SRSF11: variants seen among roughly 807,000 people sequenced by gnomAD.
SRSF11 encodes the protein serine/arginine-rich splicing factor 11.
In SRSF11, 9 loss-of-function variants were observed where a neutral mutation model predicts 56.0. That is an observed-to-expected ratio of 0.16 (90% CI 0.10 to 0.28). The LOEUF (loss-of-function observed/expected upper bound fraction) is 0.28. SRSF11 is among the 10% of genes least tolerant of loss of function. SRSF11 has a pLI of 1.00. For missense variants in SRSF11, 421 were observed against 600.7 expected (o/e 0.70, Z 3.13); for synonymous variants, 222 against 215.3 (o/e 1.03, Z -0.27).
intron 7 of SRSF11, among the ~76,000 whole-genome samples, chr1:70,243,146 G>C (rs1048288509): frequency 1.3e-5 from 2 of 151,718 alleles, no homozygotes; most frequent in Non-Finnish European, 2.9e-5. Flanking sequence ...ATCAGTAAGA[G>C]GAAAGAAGGA....
At chr1:70,236,401 G>T (rs900436593) in intron 5 of SRSF11, among the ~76,000 whole-genome samples, 18 of 146,232 alleles carry the variant, frequency 1.2e-4, no homozygotes, top group Non-Finnish European at 2.4e-4. Context: ...CGCAAACTCA[G>T]CTCACTGCAA....
At chr1:70,220,170 G>A (rs1169187190), upstream of SRSF11, among the ~76,000 whole-genome samples, 1 of 152,180 alleles carries the variant, frequency 6.6e-6, no homozygotes, top group African/African-American at 2.4e-5. Context: ...ATAAATACAT[G>A]TATCTTCTGT....
upstream of SRSF11, among the ~76,000 whole-genome samples, chr1:70,220,433 A>G (rs775910466): frequency 1.2e-4 from 18 of 152,248 alleles, no homozygotes. Flanking sequence ...AAAAGCTTCA[A>G]AATTATTTTA....
At position 70,252,109 on chromosome 1, in the gene SRSF11, G is replaced by T. The variant is rs185781608; in HGVS notation, c.*1304G>T. On this transcript the variant is annotated 3_prime_UTR_variant, in exon 12 of 12. Transcript: ENST00000370949. ...TTTCCCTTTCTGTCCACATATTTCA[G>T]TATAGTAAAAAGAGGAAGTCTATCA... is the stretch of plus-strand genomic sequence containing the variant. The T allele has an allele frequency of 3.3e-5, 5 of 152,558 alleles. No homozygotes were observed. Among genetic ancestry groups the T allele is most frequent in the African/African-American group, 1.2e-4 (5 of 41,510 alleles). 9.5% of individuals were successfully genotyped at this position (152,558 alleles called of 1,614,324 possible).
chr1:70,231,712 AT>A, intron 2 of SRSF11: 1 of 1,205,472 alleles, frequency 8.3e-7, no homozygotes, highest in Non-Finnish European at 1.1e-6. Context: ...CCAACAGAAT[AT>A]TTCCTTTACA....
At chr1:70,236,792 A>ATTTTTTTTTTTTT (rs35602423) in intron 5 of SRSF11, among the ~76,000 whole-genome samples, 1 of 83,738 alleles carries the variant, frequency 1.2e-5, no homozygotes, top group Non-Finnish European at 2.4e-5. Context: ...TATGTCATAA[A>ATTTTTTTTTTTTT]TTTTTTTTTT....
rs566715416 is a variant in SRSF11 at position 70,234,481 on chromosome 1, T to C, written c.448-215T>C. On this transcript the variant is annotated intron_variant, in intron 3 of 11. Coordinates refer to ENST00000370949, the MANE Select transcript of SRSF11 (RefSeq NM_001350605.2). Reference sequence around the variant, plus strand: ...TCCTATTTCTGTTAATAGATTGTTATTGGACCACAGCCATTTGTTTAGGTA... The same window carrying C: ...TCCTATTTCTGTTAATAGATTGTTACTGGACCACAGCCATTTGTTTAGGTA... 3.3e-5 allele frequency among the ~76,000 whole-genome samples: 5 copies of C among 152,304 alleles called. No individual in the cohort carries two copies. In the South Asian group the frequency reaches 1.0e-3, roughly 32 times the overall value.
intron 7 of SRSF11, among the ~76,000 whole-genome samples, chr1:70,242,646 G>A (rs1367992388): frequency 6.6e-6 from 1 of 152,028 alleles, no homozygotes; most frequent in Non-Finnish European, 1.5e-5. Context: ...AAATGACCAT[G>A]ACTTTCACAA....
chr1:70,221,021 G>C (rs1355899213), upstream of SRSF11: 1 of 152,166 alleles, frequency 6.6e-6, no homozygotes, highest in East Asian at 1.9e-4. Context: ...GGTGGTGGTG[G>C]GGTGGCATCT....
At chr1:70,225,074 A>G (rs1202838562) in intron 1 of SRSF11, among the ~76,000 whole-genome samples, 1 of 152,226 alleles carries the variant, frequency 6.6e-6, no homozygotes, top group Non-Finnish European at 1.5e-5. Flanking sequence ...CCACTTGATC[A>G]GGAGTTTGCT....
Position 70,233,489 on chromosome 1 carries a change from C to T in SRSF11, c.447+1112C>T, listed in dbSNP as rs563729724. Among the ~76,000 whole-genome samples, 3 of 152,192 alleles carry T rather than the reference C, an allele frequency of 2.0e-5. 1 individual carries two copies. Among genetic ancestry groups the T allele is most frequent in the Non-Finnish European group, 4.4e-5 (3 of 68,028 alleles). On this transcript the variant is annotated intron_variant, in intron 3 of 11. Transcript: ENST00000370949. The stretch of plus-strand genomic sequence containing the variant: ...TCTTGGCCTCAAGTGATCTGCCCAC[C>T]TTGGCCTCCCAAAGTGCTGGGATTA...
chr1:70,228,403 T>A lies in SRSF11; in HGVS notation c.204-19T>A. On this transcript the variant is annotated intron_variant, in intron 1 of 11. Transcript: ENST00000370949. ...ACTGCTATTCTGTTTCTCTTTTATG[T>A]TATTTGTTTATTTTTTAGTGATTCG... The A allele has an allele frequency of 3.8e-6, 6 of 1,577,604 alleles. No individual in the cohort carries two copies. Among genetic ancestry groups the A allele is most frequent in the Non-Finnish European group, 5.2e-6 (6 of 1,150,546 alleles).
intron 7 of SRSF11, among the ~76,000 whole-genome samples, chr1:70,239,885 C>A (rs1481067309): frequency 6.6e-6 from 1 of 152,080 alleles, no homozygotes; most frequent in Non-Finnish European, 1.5e-5. Context: ...CAGTAAAATG[C>A]AAGTACTAGG....
intron 9 of SRSF11, chr1:70,247,164 T>G (rs1676942635): frequency 1.0e-6 from 1 of 969,454 alleles, no homozygotes; most frequent in Non-Finnish European, 1.3e-6. Context: ...GTTTTTCTCT[T>G]TATAGTTTAA....
intron 2 of SRSF11, chr1:70,230,074 G>C (rs1191143607): frequency 1.0e-6 from 1 of 985,026 alleles, no homozygotes; most frequent in East Asian, 1.1e-4. Context: ...AAAACATTTT[G>C]GTTAGCCTGT....
intron 1 of SRSF11, among the ~76,000 whole-genome samples, chr1:70,207,740 T>G (rs1669182336): frequency 1.3e-5 from 2 of 151,468 alleles, no homozygotes; most frequent in African/African-American, 2.4e-5. Context: ...TTTTTTTTTT[T>G]TAAGAGACCA....
Position 70,235,585 on chromosome 1 carries a change from G to C in SRSF11, c.590+35G>C, listed in dbSNP as rs766425747. The C allele has an allele frequency of 1.1e-5, 17 of 1,595,810 alleles. No homozygotes were observed. In the East Asian group the frequency reaches 3.6e-4, roughly 34 times the overall value. On this transcript the variant is annotated intron_variant, in intron 5 of 11. Transcript: ENST00000370949. Reference sequence around the variant, plus strand: ...TTTTCTTTGTTTTCATTGGTGATGTGGTATCTGAATGTCTACAGAATTAGA... The same window carrying C: ...TTTTCTTTGTTTTCATTGGTGATGTCGTATCTGAATGTCTACAGAATTAGA...
chr1:70,246,854 T>C lies in SRSF11; in HGVS notation c.969T>C (p.Ser323=). The C allele has an allele frequency of 2.5e-6, 4 of 1,611,792 alleles. No individual in the cohort carries two copies. Among genetic ancestry groups the C allele is most frequent in the Non-Finnish European group, 2.5e-6 (3 of 1,178,958 alleles). Residue 323 remains serine, a synonymous_variant, in exon 9 of 12, where the codon TCT becomes TCC. Transcript: ENST00000370949. ...KKKEDKEKKR[S]KTPPKSYSTA... is the part of the protein sequence containing the mutation. ...AAGAAGACAAAGAAAAGAAACGTTC[T>C]AAAACACCACCAAAAAGTTACAGCA...
chr1:70,231,417 T>C (rs1429893946), intron 2 of SRSF11: 1 of 1,058,052 alleles, frequency 9.5e-7, no homozygotes, highest in African/African-American at 1.7e-5. Context: ...TTTATCTGAA[T>C]ACACAGATTA....
Sources: allele counts gnomAD v4.1 joint callset (sites outside exome capture counted in the v4.1 genomes callset), GRCh38; gene constraint gnomAD v4.1.1; transcripts MANE v1.5; gene names NCBI Gene and HGNC (gene_info 2026-07-23, HGNC 2026-07-21).